The following OTOGL variants were observed in gnomAD, a reference collection of about 807,000 sequenced individuals.
OTOGL encodes otogelin-like protein.
OTOGL carries 285 observed loss-of-function variants against 318.5 expected under a neutral mutation model. That is an observed-to-expected ratio of 0.89 (90% CI 0.81 to 0.99). OTOGL has a LOEUF of 0.99. Ranked by LOEUF, OTOGL falls within the 50% of genes least tolerant of loss-of-function variation. OTOGL has a pLI of 0.00. For missense variants in OTOGL, 2,899 were observed against 2,845.6 expected (o/e 1.02, Z -0.43); for synonymous variants, 987 against 936.5 (o/e 1.05, Z -0.99).
chr12:80,303,615 C>T (rs535908724), intron 28 of OTOGL, among the ~76,000 whole-genome samples: 1 of 152,310 alleles, frequency 6.6e-6, no homozygotes, highest in Non-Finnish European at 1.5e-5. Flanking sequence ...CACAGTTCTG[C>T]ATGCCTGGGA....
At chr12:80,295,954 G>T (rs1885361912) in intron 26 of OTOGL, among the ~76,000 whole-genome samples, 1 of 53,536 alleles carries the variant, frequency 1.9e-5, no homozygotes, top group African/African-American at 4.2e-5. Context: ...TTAAACTGGG[G>T]GAGAAAGTTA....
intron 1 of OTOGL, among the ~76,000 whole-genome samples, chr12:80,142,654 CA>C (rs1402034234): frequency 2.0e-5 from 3 of 152,156 alleles, no homozygotes; most frequent in African/African-American, 4.8e-5. Flanking sequence ...AGCCAACTCT[CA>C]TTCATTTGAC....
rs1163463771 is a variant in OTOGL at position 80,327,974 on chromosome 12, AAAAAAAAAAAAG to A, written c.4200-689_4200-678del. 6.2e-4 allele frequency among the ~76,000 whole-genome samples: 91 copies of A among 146,080 alleles called. 3 individuals carry two copies. The highest frequency in any genetic ancestry group is 3.8e-3 in the Middle Eastern group (1 of 266). ...ACTCTGTCTCAAAAAAAAAAAAAAA[AAAAAAAAAAAAG>A]AGTGGAAAGCAACAGTACAATCAAT... On this transcript the variant is annotated intron_variant, in intron 35 of 58. Transcript: ENST00000547103.
intron 1 of OTOGL, among the ~76,000 whole-genome samples, chr12:80,169,930 T>C (rs561275942): frequency 6.6e-6 from 1 of 152,210 alleles, no homozygotes; most frequent in African/African-American, 2.4e-5. Context: ...TTTGAGTTAT[T>C]TGCAATTTGG....
chr12:80,260,914 T>G (rs1252101827), intron 18 of OTOGL, among the ~76,000 whole-genome samples: 1 of 152,114 alleles, frequency 6.6e-6, no homozygotes, highest in African/African-American at 2.4e-5. Context: ...ATGCAATTAC[T>G]TTGAGTCTCA....
At chr12:80,372,824 G>T (rs1890963411) in intron 57 of OTOGL, among the ~76,000 whole-genome samples, 1 of 151,950 alleles carries the variant, frequency 6.6e-6, no homozygotes, top group Non-Finnish European at 1.5e-5. Context: ...GAGTAGCTGG[G>T]ATTACACGCA....
intron 1 of OTOGL, among the ~76,000 whole-genome samples, chr12:80,108,773 A>ATATATATATATATG (rs1201951898): frequency 2.4e-4 from 7 of 28,586 alleles, no homozygotes; most frequent in Admixed American, 7.8e-4. Context: ...ATATACACGT[A>ATATATATATATATG]TATATATATA....
At chr12:80,133,933 T>TCAAAAA (rs915932632) in intron 1 of OTOGL, among the ~76,000 whole-genome samples, 94 of 151,698 alleles carry the variant, frequency 6.2e-4, no homozygotes, top group African/African-American at 1.8e-3. Context: ...AGACTCTGTC[T>TCAAAAA]CAAAAACAAA....
chr12:80,116,473 C>A (rs1870174842), intron 1 of OTOGL, among the ~76,000 whole-genome samples: 1 of 152,060 alleles, frequency 6.6e-6, no homozygotes. Flanking sequence ...CTGGGAACTG[C>A]ATATAGGAGC....
intron 57 of OTOGL, among the ~76,000 whole-genome samples, chr12:80,376,067 T>TA (rs1457564330): frequency 6.6e-6 from 1 of 151,476 alleles, no homozygotes; most frequent in African/African-American, 2.4e-5. Context: ...TAATAAAATT[T>TA]AAAAAAAAGA....
intron 1 of OTOGL, among the ~76,000 whole-genome samples, chr12:80,203,182 A>T (rs939071480): frequency 3.9e-5 from 6 of 152,230 alleles, no homozygotes; most frequent in African/African-American, 1.4e-4. Context: ...TCTGGATACC[A>T]GGAGGCTGAA....
intron 1 of OTOGL, among the ~76,000 whole-genome samples, chr12:80,199,332 A>T (rs908943701): frequency 5.6e-4 from 86 of 152,294 alleles, no homozygotes; most frequent in Non-Finnish European, 5.9e-5. Context: ...CTCAGTTTAA[A>T]ACCCTTTCCT....
intron 1 of OTOGL, among the ~76,000 whole-genome samples, chr12:80,156,550 G>A (rs1873131572): frequency 6.6e-6 from 1 of 152,212 alleles, no homozygotes; most frequent in African/African-American, 2.4e-5. Context: ...TGTTGTGGAA[G>A]GGACCCGGTG....
Position 80,113,019 on chromosome 12 carries a change from T to C in OTOGL, c.-20+13414T>C, listed in dbSNP as rs573586204. Among the ~76,000 whole-genome samples, 51 of 152,324 alleles carry C rather than the reference T, an allele frequency of 3.3e-4. No homozygotes were observed. In the Middle Eastern group the frequency reaches 0.01, roughly 30 times the overall value. ...GTGTCAGGAATTTATCCACTTCTTG[T>C]AGATTTTCCAGTTTATTTGTGTAGA... On this transcript the variant is annotated intron_variant, in intron 1 of 58. Coordinates refer to ENST00000547103, the MANE Select transcript of OTOGL (RefSeq NM_001378609.3).
chr12:80,142,913 C>G (rs1348837399), intron 1 of OTOGL, among the ~76,000 whole-genome samples: 2 of 152,054 alleles, frequency 1.3e-5, no homozygotes, highest in Non-Finnish European at 2.9e-5. Context: ...TGGATGGGAA[C>G]TGGACTCATT....
chr12:80,342,263 C>G (rs1029077334), intron 44 of OTOGL, 101 bp downstream of exon 44: 1 of 866,978 alleles, frequency 1.2e-6, no homozygotes, highest in Non-Finnish European at 1.7e-6. Flanking sequence ...CTACTGAGAA[C>G]AAAACCCCCA....
chr12:80,164,447 A>G (rs1424828980), intron 1 of OTOGL, among the ~76,000 whole-genome samples: 15 of 151,962 alleles, frequency 9.9e-5, no homozygotes, highest in Admixed American at 9.2e-4. Flanking sequence ...CAAATGTTCT[A>G]TTTCTTCTTG....
rs772377931 is a variant in OTOGL, at chr12:80,253,459, C to G, written c.1286-7C>G. On this transcript the variant is annotated splice_region_variant and splice_polypyrimidine_tract_variant and intron_variant, in intron 13 of 58. Transcript: ENST00000547103. ...TGAAATTTTGATGTGTATTTCTTCT[C>G]AATTAGGCCTCGTAATGGACAATGG... The G allele has an allele frequency of 1.6e-5, 25 of 1,605,934 alleles. No homozygotes were observed. The highest frequency in any genetic ancestry group is 2.1e-5 in the Non-Finnish European group (25 of 1,172,888).
chr12:80,308,924 C>T (rs896177340), intron 29 of OTOGL, among the ~76,000 whole-genome samples: 2 of 152,064 alleles, frequency 1.3e-5, no homozygotes, highest in Non-Finnish European at 2.9e-5. Flanking sequence ...GCAGTACCGT[C>T]CAGCTTCGGC....
Sources: allele counts gnomAD v4.1 joint callset (sites outside exome capture counted in the v4.1 genomes callset), GRCh38; gene constraint gnomAD v4.1.1; transcripts MANE v1.5; gene names NCBI Gene and HGNC (gene_info 2026-07-23, HGNC 2026-07-21).